Variants in CHID1 observed in about 807,000 individuals in gnomAD.
CHID1 encodes chitinase domain-containing protein 1.
CHID1 carries 44 observed loss-of-function variants against 55.4 expected under a neutral mutation model. That is an observed-to-expected ratio of 0.79 (90% confidence interval 0.62 to 1.02). The LOEUF is 1.02. Ranked by LOEUF, CHID1 falls within the 50% of genes least tolerant of loss-of-function variation. The pLI is 0.00. For missense variants in CHID1, 491 were observed against 515.3 expected, an observed-to-expected ratio of 0.95 and a Z score of 0.46; for synonymous variants, 216 against 212.9, an observed-to-expected ratio of 1.01 and a Z score of -0.13.
intron 6 of CHID1, 42 bp from the exon 7 acceptor site, chr11:899,443 G>A: frequency 1.9e-6 from 3 of 1,549,534 alleles, no homozygotes; most frequent in South Asian, 1.2e-5. Flanking sequence ...TGGAGGCCCA[G>A]GAGGGATGGG....
chr11:890,655 T>C (rs1850740723), intron 8 of CHID1, among the ~76,000 whole-genome samples: 1 of 152,146 alleles, frequency 6.6e-6, no homozygotes, highest in African/African-American at 2.4e-5. Flanking sequence ...ATGTTAAGGA[T>C]GGCACCACCA....
intron 3 of CHID1, 103 bp from the exon 4 acceptor site, chr11:902,433 G>A: frequency 3.7e-6 from 5 of 1,338,256 alleles, no homozygotes; most frequent in Non-Finnish European, 5.2e-6. Context: ...GGGCTGGCCA[G>A]CGTAGACAGA....
At chr11:873,962 G>A (rs187337669) in intron 10 of CHID1, among the ~76,000 whole-genome samples, 557 of 151,896 alleles carry the variant, frequency 3.7e-3, no homozygotes, top group Middle Eastern at 0.01. Context: ...CAGGGACAGA[G>A]GTTCGACGCG....
At chr11:886,283 G>A in intron 8 of CHID1, among the ~76,000 whole-genome samples, 1 of 151,112 alleles carries the variant, frequency 6.6e-6, no homozygotes. Context: ...AACACAGCAA[G>A]ACTCTGTCTC....
At chr11:870,745 C>T in intron 10 of CHID1, 1 of 488,422 alleles carries the variant, frequency 2.0e-6, no homozygotes, top group African/African-American at 1.9e-5. Flanking sequence ...CCACCAAGTC[C>T]TTTCAGTGGC....
intron 10 of CHID1, 30 bp from the exon 11 acceptor site, chr11:870,529 C>CTGGGTGG: frequency 6.6e-7 from 1 of 1,516,014 alleles, no homozygotes; most frequent in Non-Finnish European, 9.1e-7. Flanking sequence ...GATTTGGGAG[C>CTGGGTGG]CCACCCAGCT....
intron 7 of CHID1, 50 bp from the exon 8 acceptor site, chr11:893,569 C>T (rs1209243634): frequency 7.0e-7 from 1 of 1,418,994 alleles, no homozygotes; most frequent in Admixed American, 2.1e-5. Context: ...TGAGGCCTCT[C>T]CCAGGGTTCT....
chr11:889,270 G>A (rs1002033517), intron 8 of CHID1, among the ~76,000 whole-genome samples: 9 of 152,142 alleles, frequency 5.9e-5, no homozygotes, highest in Admixed American at 1.3e-4. Context: ...TTCTACCTGC[G>A]AACTCCCTGA....
chr11:872,796 C>G lies in CHID1; in HGVS notation c.960-2297G>C, dbSNP rs1849262042. On this transcript the variant is annotated intron_variant, in intron 10 of 12. Coordinates refer to ENST00000323578, the MANE Select transcript of CHID1 (RefSeq NM_023947.4). ...TGTGCAGGGTCGTGGGCAGATACCT[C>G]AGGGCAGGGTTGGCCCTCGGGCTGT... is the stretch of plus-strand genomic sequence containing the variant. Among the ~76,000 whole-genome samples, 3 of 152,236 alleles carry G rather than the reference C, an allele frequency of 2.0e-5. No individual in the cohort carries two copies. The South Asian group carries it at 6.2e-4, about 32-fold the overall frequency.
intron 1 of CHID1, among the ~76,000 whole-genome samples, chr11:906,708 C>A (rs11246342): frequency 0.32 from 49,009 of 151,984 alleles, 8,140 homozygotes; most frequent in Middle Eastern, 0.4. Context: ...AAACGACATG[C>A]CCTTCACGTG....
At chr11:906,843 A>G (rs1156952742) in intron 1 of CHID1, among the ~76,000 whole-genome samples, 1 of 152,190 alleles carries the variant, frequency 6.6e-6, no homozygotes, top group Admixed American at 6.5e-5. Context: ...AGCCTGACCA[A>G]CATGGACAAA....
chr11:895,181 G>GGGGTCTCCTGCCTGGTTCCCAGCCTGT (rs1450048746), intron 7 of CHID1, among the ~76,000 whole-genome samples: 2 of 152,244 alleles, frequency 1.3e-5, no homozygotes, highest in Non-Finnish European at 2.9e-5. Context: ...ACCCTACCTG[G>GGGGTCTCCTGCCTGGTTCCCAGCCTGT]GGGTCTCCTG....
intron 8 of CHID1, among the ~76,000 whole-genome samples, chr11:885,785 G>C (rs975807101): frequency 6.6e-6 from 1 of 152,086 alleles, no homozygotes; most frequent in African/African-American, 2.4e-5. Flanking sequence ...GGAGTGCAGC[G>C]GCACGATCCT....
chr11:901,727 A>G (rs1376843528), intron 4 of CHID1, among the ~76,000 whole-genome samples: 1 of 152,132 alleles, frequency 6.6e-6, no homozygotes, highest in Non-Finnish European at 1.5e-5. Flanking sequence ...AGCCACCTGG[A>G]CCACACGCAG....
At chr11:870,232 G>A in intron 11 of CHID1, 69 bp from the exon 12 acceptor site, 1 of 1,597,540 alleles carries the variant, frequency 6.3e-7, no homozygotes, top group South Asian at 1.1e-5. Context: ...CACAGCCAAG[G>A]TCCACGGCCT....
At chr11:895,401 TGA>T (rs1349341123) in intron 7 of CHID1, among the ~76,000 whole-genome samples, 1 of 152,084 alleles carries the variant, frequency 6.6e-6, no homozygotes, top group Admixed American at 6.5e-5. Context: ...AGGACAGGTG[TGA>T]GTCAGGTCTA....
chr11:871,227 G>A (rs28613690), intron 10 of CHID1, among the ~76,000 whole-genome samples: 150,597 of 152,180 alleles, frequency 0.99, 74,538 homozygotes, highest in Middle Eastern at 1. Context: ...TCCTGACCTC[G>A]TGATCTGTCC....
At position 891,157 on chromosome 11, in the gene CHID1, G is replaced by A. The variant is rs11828364; in HGVS notation, c.701+2270C>T. 3.5e-3 allele frequency among the ~76,000 whole-genome samples: 528 copies of A among 152,242 alleles called. 4 individuals carry two copies. Among genetic ancestry groups the A allele is most frequent in the African/African-American group, 0.012 (492 of 41,542 alleles). ...CCTCTGGGGCTGTAGCCAGAGTCTC[G>A]GGAGAACCCACGGGAGCCTCAGCAC... On this transcript the variant is annotated intron_variant, in intron 8 of 12. Coordinates refer to ENST00000323578, the MANE Select transcript of CHID1 (RefSeq NM_023947.4).
intron 7 of CHID1, among the ~76,000 whole-genome samples, chr11:897,781 T>C (rs1851487901): frequency 6.6e-6 from 1 of 151,062 alleles, no homozygotes; most frequent in Admixed American, 6.6e-5. Flanking sequence ...CACTGAGGGG[T>C]GCTGGCTGAG....
Sources: gnomAD v4.1 joint callset for allele counts (sites outside exome capture counted in the v4.1 genomes callset) on GRCh38, gnomAD v4.1.1 for gene constraint, MANE v1.5 for transcripts, NCBI Gene and HGNC (gene_info 2026-07-23, HGNC 2026-07-21) for gene names.